The following LAMC3 variants were observed in gnomAD, a reference collection of about 807,000 sequenced individuals.
LAMC3 encodes laminin subunit gamma-3.
A neutral mutation model predicts 173.8 loss-of-function variants in LAMC3; 128 were observed. That is an observed-to-expected ratio of 0.74 (90% confidence interval 0.64 to 0.85). The LOEUF (loss-of-function observed/expected upper bound fraction) is 0.85, where lower values mean the gene tolerates loss of function less well. LAMC3 is among the 40% of genes least tolerant of loss of function. LAMC3 has a pLI of 0.00. For missense variants in LAMC3, 2,022 were observed against 2,156.0 expected, an observed-to-expected ratio of 0.94 and a Z score of 1.23; for synonymous variants, 897 against 909.1, an observed-to-expected ratio of 0.99 and a Z score of 0.24.
At chr9:131,080,838 C>G (rs2133342041) in intron 23 of LAMC3, among the ~76,000 whole-genome samples, 1 of 152,256 alleles carries the variant, frequency 6.6e-6, no homozygotes, top group Middle Eastern at 3.4e-3. Flanking sequence ...CGTCCTCCTC[C>G]CCACCCCATG....
intron 1 of LAMC3, among the ~76,000 whole-genome samples, chr9:131,019,667 A>T (rs1045689222): frequency 2.0e-5 from 3 of 152,222 alleles, no homozygotes; most frequent in Admixed American, 2.0e-4. Flanking sequence ...AGTCAGGCTC[A>T]GGGAGCAGAA....
intron 27 of LAMC3, among the ~76,000 whole-genome samples, chr9:131,089,179 G>C (rs1299312000): frequency 8.6e-6 from 1 of 116,580 alleles, no homozygotes; most frequent in Non-Finnish European, 1.7e-5. Flanking sequence ...CTGTCATCGG[G>C]TGGGGGGAGG....
At chr9:131,087,852 G>T in intron 27 of LAMC3, 35 bp downstream of exon 27, 6 of 1,555,844 alleles carry the variant, frequency 3.9e-6, no homozygotes, top group Non-Finnish European at 5.3e-6. Context: ...CTGAACCCCT[G>T]GGTCCCTGGG....
In LAMC3 at chr9:131,061,141, T is replaced by C. The variant is rs773471394; in HGVS notation, c.2265T>C (p.Cys755=). The part of the protein sequence containing the change: ...FAGQADDCQP[C]PCPGQSACTT... ...GCCAAGCCGACGACTGCCAGCCCTG[T>C]CCCTGCCCTGGCCAGTCGGCCTGTA... is the stretch of plus-strand genomic sequence containing the variant. Residue 755 remains cysteine (C), a synonymous_variant, in exon 13 of 28, where the codon TGT becomes TGC. Transcript: ENST00000361069. The C allele has an allele frequency of 1.2e-6, 2 of 1,613,546 alleles. No individual in the cohort carries two copies. Among genetic ancestry groups the C allele is most frequent in the Admixed American group, 1.7e-5 (1 of 60,022 alleles).
intron 24 of LAMC3, among the ~76,000 whole-genome samples, chr9:131,082,870 C>T (rs999770745): frequency 6.6e-5 from 10 of 152,162 alleles, no homozygotes; most frequent in Admixed American, 6.6e-5. Flanking sequence ...GTTCTGTGGC[C>T]TCCCTCCCCA....
chr9:131,051,341 G>A (rs532306936), intron 9 of LAMC3, among the ~76,000 whole-genome samples: 1 of 147,738 alleles, frequency 6.8e-6, no homozygotes, highest in African/African-American at 2.5e-5. Flanking sequence ...AACATATAAA[G>A]TTATTAGCAT....
intron 7 of LAMC3, among the ~76,000 whole-genome samples, chr9:131,045,148 G>A (rs1029150037): frequency 8.6e-5 from 13 of 150,982 alleles, no homozygotes; most frequent in Admixed American, 7.9e-4. Context: ...CTTGAACCCG[G>A]GAGGCGGAGG....
Position 131,009,362 on chromosome 9 carries a change from G to A in LAMC3, c.148G>A (p.Ala50Thr). 6.6e-7 allele frequency: 1 copy of A among 1,519,552 alleles called. No homozygotes were observed. Among genetic ancestry groups the A allele is most frequent in the South Asian group, 1.2e-5 (1 of 81,978 alleles). The allele number at this position is 1,519,552 out of a possible 1,614,324, so 94.1% of individuals were successfully genotyped here. A position where few individuals can be genotyped will look rare whatever the true frequency, so the allele number is the denominator to read the frequency against. ...CGCGGCGTTTGGGCGGCTCGCCCAGGCCTCGCACACGTGCGGCAGCCCGCC... is the reference window on the plus strand; with the variant it reads ...CGCGGCGTTTGGGCGGCTCGCCCAGACCTCGCACACGTGCGGCAGCCCGCC... Reference protein sequence around the residue: ...ENAAFGRLAQASHTCGSPPED... With the variant: ...ENAAFGRLAQTSHTCGSPPED... The change falls in exon 1 of 28, where the codon GCC (alanine) becomes ACC (threonine). Residue 50 changes from alanine to threonine, a missense_variant. Transcript: ENST00000361069. This position sits in a 1 kb window ranked among gnomAD's most constrained non-coding sequence, Gnocchi z 4.3.
chr9:131,068,005 C>T (rs781738748), intron 14 of LAMC3, 73 bp from the exon 15 acceptor site: 52 of 1,526,418 alleles, frequency 3.4e-5, no homozygotes, highest in Non-Finnish European at 4.4e-5. Flanking sequence ...TCTCCTCTGC[C>T]TCTGTTGGAC....
At position 131,036,172 on chromosome 9, in the gene LAMC3, G is replaced by T. The variant is rs1300003866; in HGVS notation, c.816G>T (p.Lys272Asn). ...CCTCTGTGTCTTTTCCCAGGTGCAA[G>T]TGCAACGGGCATGCCAGCGAGTGCG... ...VSDFSVGGRCKCNGHASECGP... is the reference protein window; with the variant it reads ...VSDFSVGGRCNCNGHASECGP... Residue 272 changes from lysine to asparagine, a missense_variant, in exon 4 of 28, where the codon AAG becomes AAT. Lys to Asn is a moderately conservative substitution (Grantham distance 94). Coordinates refer to ENST00000361069, the MANE Select transcript of LAMC3 (RefSeq NM_006059.4). 1 of 1,613,216 alleles carries T rather than the reference G, an allele frequency of 6.2e-7. No individual in the cohort carries two copies. Among genetic ancestry groups the T allele is most frequent in the Non-Finnish European group, 8.5e-7 (1 of 1,179,908 alleles).
intron 12 of LAMC3, among the ~76,000 whole-genome samples, chr9:131,058,820 G>C (rs1031760252): frequency 6.6e-6 from 1 of 151,462 alleles, no homozygotes; most frequent in Non-Finnish European, 1.5e-5. Flanking sequence ...CTTGAACCCA[G>C]GAGGCAGAGG....
chr9:131,028,006 C>T (rs1184566630), intron 2 of LAMC3, among the ~76,000 whole-genome samples: 1 of 152,228 alleles, frequency 6.6e-6, no homozygotes, highest in Non-Finnish European at 1.5e-5. Context: ...GTCCCCAACC[C>T]CCGGCTGCAG....
chr9:131,073,305 C>G lies in LAMC3; in HGVS notation c.3478C>G (p.Arg1160Gly). Residue 1160 changes from arginine (R) to glycine (G), a missense_variant, in exon 20 of 28, where the codon CGT (arginine) becomes GGT (glycine). Coordinates refer to ENST00000361069, the MANE Select transcript of LAMC3 (RefSeq NM_006059.4). Reference sequence around the variant, plus strand: ...ATGGAGCCACCTGGCCACAGAGGCCCGTGCCCTCGCCAGGAGGTGAGTCCC... The same window carrying G: ...ATGGAGCCACCTGGCCACAGAGGCCGGTGCCCTCGCCAGGAGGTGAGTCCC... ...TKWSHLATEARALARSHRDTA... is the reference protein window; with the variant it reads ...TKWSHLATEAGALARSHRDTA... The G allele has an allele frequency of 6.2e-7, 1 of 1,613,538 alleles. No individual in the cohort carries two copies. Among genetic ancestry groups the G allele is most frequent in the South Asian group, 1.1e-5 (1 of 91,028 alleles).
chr9:131,079,772 G>A (rs1830203874), intron 23 of LAMC3, among the ~76,000 whole-genome samples: 1 of 151,976 alleles, frequency 6.6e-6, no homozygotes, highest in Admixed American at 6.6e-5. Flanking sequence ...CCTGAGATAG[G>A]GGAGGGGACC....
chr9:131,032,546 T>TGCTCTCTCTC (rs1051563935), intron 3 of LAMC3, among the ~76,000 whole-genome samples: 3 of 121,052 alleles, frequency 2.5e-5, no homozygotes, highest in East Asian at 2.1e-4. Flanking sequence ...CTCTCTCTCT[T>TGCTCTCTCTC]GCTCTCTCTC....
intron 1 of LAMC3, among the ~76,000 whole-genome samples, chr9:131,012,048 A>AACACACACACACACACACACACACACAC (rs3837236): frequency 2.2e-5 from 3 of 138,130 alleles, no homozygotes; most frequent in African/African-American, 7.8e-5. Flanking sequence ...GTAGAGAGCG[A>AACACACACACACACACACACACACACAC]ACACACACAC....
intron 13 of LAMC3, among the ~76,000 whole-genome samples, chr9:131,065,059 A>AAAAAAAAAG (rs57431746): frequency 2.2e-5 from 3 of 135,280 alleles, no homozygotes; most frequent in Admixed American, 7.7e-5. Context: ...AAAAAAAAAA[A>AAAAAAAAAG]GAAAAGGAAA....
In LAMC3 at chr9:131,052,559, G is replaced by T. The variant is rs142796007; in HGVS notation, c.1699G>T (p.Gly567Trp). 6.2e-7 allele frequency: 1 copy of T among 1,613,922 alleles called. No individual in the cohort carries two copies. Among genetic ancestry groups the T allele is most frequent in the South Asian group, 1.1e-5 (1 of 91,074 alleles). The part of the protein sequence containing the change: ...PLILTFRVPP[G>W]DSPLPVQLRL... ...CATACTGACCTTCCGGGTGCCCCCC[G>T]GGGACTCCCCACTCCCTGTACAGCT... Residue 567 changes from glycine to tryptophan, a missense_variant, in exon 10 of 28, where the codon GGG (glycine) becomes TGG (tryptophan). By Grantham distance (184) the Gly-to-Trp change is radical (BLOSUM62 -2). Coordinates refer to ENST00000361069, the MANE Select transcript of LAMC3 (RefSeq NM_006059.4).
At position 131,072,798 on chromosome 9, in the gene LAMC3, A is replaced by G. The variant is rs748341669; in HGVS notation, c.3380A>G (p.Glu1127Gly). 2 of 1,613,108 alleles carry G rather than the reference A, an allele frequency of 1.2e-6. No homozygotes were observed. The highest frequency in any genetic ancestry group is 4.5e-5 in the East Asian group (2 of 44,886). Residue 1127 changes from glutamate (E) to glycine (G), a missense_variant, in exon 19 of 28, where the codon GAG becomes GGG. Physicochemically the swap from Glu to Gly is moderately conservative, Grantham distance 98 (BLOSUM62 -2). Coordinates refer to ENST00000361069, the MANE Select transcript of LAMC3 (RefSeq NM_006059.4). ...DLEAVLESSEEEILHAAAILA... is the reference protein window; with the variant it reads ...DLEAVLESSEGEILHAAAILA... ...GAGGCAGTGCTGGAGTCCTCGGAAG[A>G]GGAGATTCTGCATGCAGCTGCCATT...
Sources: gnomAD v4.1 joint callset for allele counts (sites outside exome capture counted in the v4.1 genomes callset) on GRCh38, gnomAD v4.1.1 for gene constraint, Gnocchi (gnomAD v3.1) non-coding constraint, MANE v1.5 for transcripts, NCBI Gene and HGNC (gene_info 2026-07-23, HGNC 2026-07-21) for gene names.